PIK3C3: variants seen among roughly 807,000 people sequenced by gnomAD.
The protein encoded by PIK3C3 is PI3-kinase type 3.
A neutral mutation model predicts 126.1 loss-of-function variants in PIK3C3; 95 were observed. The observed-to-expected ratio is 0.75, with a 90% CI of 0.64 to 0.89. PIK3C3 has a LOEUF of 0.89. Ranked by LOEUF, PIK3C3 falls within the 40% of genes least tolerant of loss-of-function variation. The pLI is 0.00. For synonymous variants in PIK3C3, 374 were observed against 360.0 expected, an observed-to-expected ratio of 1.04 and a Z score of -0.44; for missense variants, 829 against 1,063.2, an observed-to-expected ratio of 0.78 and a Z score of 3.06.
intron 24 of PIK3C3, chr18:42,070,620 G>C (rs1446538312): frequency 6.6e-6 from 1 of 152,114 alleles, no homozygotes; most frequent in African/African-American, 2.4e-5. Flanking sequence ...CTGGGCCTCA[G>C]TTTTCACACC....
chr18:42,069,139 A>G (rs1598953574), intron 24 of PIK3C3, among the ~76,000 whole-genome samples: 2 of 152,162 alleles, frequency 1.3e-5, no homozygotes, highest in East Asian at 1.9e-4. Flanking sequence ...TTCTAGCTCA[A>G]TAAAAAGGTG....
intron 5 of PIK3C3, among the ~76,000 whole-genome samples, chr18:41,988,392 G>C (rs746497359): frequency 6.6e-6 from 1 of 152,142 alleles, no homozygotes; most frequent in Non-Finnish European, 1.5e-5. Context: ...GAGCCAGTGT[G>C]TATGTTTAAA....
chr18:42,009,078 A>G (rs1982681697), intron 10 of PIK3C3, among the ~76,000 whole-genome samples: 1 of 152,170 alleles, frequency 6.6e-6, no homozygotes, highest in Non-Finnish European at 1.5e-5. Context: ...CATTAAACAT[A>G]TTGTTTAATT....
At chr18:41,980,092 G>T (rs1981123267) in intron 4 of PIK3C3, among the ~76,000 whole-genome samples, 1 of 151,928 alleles carries the variant, frequency 6.6e-6, no homozygotes, top group Non-Finnish European at 1.5e-5. Context: ...TGTTTAGAAG[G>T]ACCTATTAGT....
At chr18:41,956,311 A>G (rs911364609) in intron 1 of PIK3C3, among the ~76,000 whole-genome samples, 2 of 152,008 alleles carry the variant, frequency 1.3e-5, no homozygotes, top group Admixed American at 6.6e-5. Context: ...TTTACTTTTT[A>G]GTTTGTGGTG....
At chr18:41,961,065 G>A (rs1482267026) in intron 2 of PIK3C3, among the ~76,000 whole-genome samples, 1 of 152,102 alleles carries the variant, frequency 6.6e-6, no homozygotes. Context: ...AACATATTAA[G>A]TGCAGTTGCT....
intron 20 of PIK3C3, among the ~76,000 whole-genome samples, chr18:42,047,252 A>G: frequency 6.6e-6 from 1 of 152,140 alleles, no homozygotes; most frequent in Non-Finnish European, 1.5e-5. Context: ...ATGTACAGTG[A>G]TGTTATTTTT....
chr18:42,080,998 T>C (rs1031127949), intron 24 of PIK3C3, 125 bp from the exon 25 acceptor site: 8 of 596,324 alleles, frequency 1.3e-5, no homozygotes, highest in African/African-American at 3.8e-5. Context: ...CTTGGTAGCA[T>C]TTAGCAAACT....
chr18:42,067,626 A>C (rs1271935301), intron 24 of PIK3C3, 113 bp downstream of exon 24: 7 of 1,230,250 alleles, frequency 5.7e-6, no homozygotes, highest in Non-Finnish European at 7.9e-6. Flanking sequence ...TTTTTCTATC[A>C]AGTCGTTTTG....
Position 42,004,542 on chromosome 18 carries a change from G to A in PIK3C3, c.1170+1G>A. 1 of 1,583,424 alleles carries A rather than the reference G, an allele frequency of 6.3e-7. No individual in the cohort carries two copies. The highest frequency in any genetic ancestry group is 1.2e-5 in the South Asian group (1 of 85,906). On this transcript the variant is annotated splice_donor_variant, in intron 10 of 24. Transcript: ENST00000262039. LOFTEE classifies it high-confidence loss of function. ...CCGGTTGCGACAGGCCGATGATGAGGTGCATTATTATTTATTATTCTGCTT... is the reference window on the plus strand; with the variant it reads ...CCGGTTGCGACAGGCCGATGATGAGATGCATTATTATTTATTATTCTGCTT...
intron 24 of PIK3C3, among the ~76,000 whole-genome samples, chr18:42,076,147 CAT>C (rs35001905): frequency 0.057 from 1,935 of 34,066 alleles, 124 homozygotes; most frequent in African/African-American, 0.23. Context: ...TATATATGCG[CAT>C]ATATATATAT....
intron 22 of PIK3C3, among the ~76,000 whole-genome samples, chr18:42,060,546 G>A (rs536382115): frequency 2.0e-5 from 3 of 151,990 alleles, no homozygotes; most frequent in Admixed American, 6.5e-5. Context: ...TGAGGTGGGT[G>A]GATCACTTGA....
intron 6 of PIK3C3, among the ~76,000 whole-genome samples, chr18:41,992,252 C>T (rs1265462474): frequency 6.6e-6 from 1 of 152,162 alleles, no homozygotes; most frequent in Non-Finnish European, 1.5e-5. Flanking sequence ...TTCTTGTCAC[C>T]TGTCTTGTGA....
chr18:42,043,699 T>G, intron 19 of PIK3C3, 34 bp from the exon 20 acceptor site: 2 of 1,415,262 alleles, frequency 1.4e-6, no homozygotes, highest in Non-Finnish European at 2.0e-6. Flanking sequence ...TTGTTTGTAC[T>G]TAATTCTAAA....
chr18:42,039,665 TTTA>T (rs1230146052), intron 18 of PIK3C3, among the ~76,000 whole-genome samples: 1 of 152,224 alleles, frequency 6.6e-6, no homozygotes, highest in Non-Finnish European at 1.5e-5. Context: ...GCCTATTAAT[TTTA>T]TTATCCTTGA....
rs2144517040 is a variant in PIK3C3, at chr18:42,064,860, T to C, written c.2523+30T>C. 6 of 1,160,864 alleles carry C rather than the reference T, an allele frequency of 5.2e-6. No homozygotes were observed. In the East Asian group the frequency reaches 7.0e-5, roughly 14 times the overall value. 71.9% of individuals were successfully genotyped at this position (1,160,864 alleles called of 1,614,324 possible). A position where few individuals can be genotyped will look rare whatever the true frequency, so the allele number is the denominator to read the frequency against. ...TTTTTAAGTAACATAAATGAAGAGC[T>C]CTTCTGTATAATTTTTCCATATTCC... On this transcript the variant is annotated intron_variant, in intron 23 of 24. Coordinates refer to ENST00000262039, the MANE Select transcript of PIK3C3 (RefSeq NM_002647.4).
At position 42,085,102 on chromosome 18, in the gene PIK3C3, TAAAA is replaced by T. The variant is rs534576676; in HGVS notation, c.*3968_*3971del. The T allele has an allele frequency of 2.0e-5, 3 of 152,208 alleles. No homozygotes were observed. The highest frequency in any genetic ancestry group is 4.4e-5 in the Non-Finnish European group (3 of 68,028). 9.4% of individuals were successfully genotyped at this position (152,208 alleles called of 1,614,324 possible). ...AATAATTTTTAACTGGCTATGTAGTTAAAAAACCTAACAAAAAGCACTTTTCTAT... is the reference window on the plus strand; with the variant it reads ...AATAATTTTTAACTGGCTATGTAGTTAACCTAACAAAAAGCACTTTTCTAT... On this transcript the variant is annotated 3_prime_UTR_variant, in exon 25 of 25. Coordinates refer to ENST00000262039, the MANE Select transcript of PIK3C3 (RefSeq NM_002647.4).
chr18:42,076,174 A>G (rs1203901323), intron 24 of PIK3C3, among the ~76,000 whole-genome samples: 22 of 125,156 alleles, frequency 1.8e-4, no homozygotes, highest in Middle Eastern at 3.8e-3. Flanking sequence ...ACATATATAT[A>G]TATGCACATA....
At chr18:42,056,196 A>G (rs937607321) in intron 21 of PIK3C3, among the ~76,000 whole-genome samples, 1 of 152,156 alleles carries the variant, frequency 6.6e-6, no homozygotes, top group Admixed American at 6.5e-5. Context: ...TTCTTAAAAC[A>G]TTACATTAAT....
Sources: gnomAD v4.1 joint callset for allele counts (sites outside exome capture counted in the v4.1 genomes callset) on GRCh38, gnomAD v4.1.1 for gene constraint, MANE v1.5 for transcripts, NCBI Gene and HGNC (gene_info 2026-07-23, HGNC 2026-07-21) for gene names.